The following SNRPN variants were observed in gnomAD, a reference collection of about 807,000 sequenced individuals.
SNRPN encodes the protein small nuclear ribonucleoprotein polypeptide N, also known as small nuclear ribonucleoprotein-associated protein N.
SNRPN carries 7 observed loss-of-function variants against 25.2 expected under a neutral mutation model. That is an observed-to-expected ratio of 0.28 (90% CI 0.16 to 0.52). The LOEUF (loss-of-function observed/expected upper bound fraction) is 0.52. Ranked by LOEUF, SNRPN falls within the 20% of genes least tolerant of loss-of-function variation. The pLI, the probability that SNRPN is intolerant of heterozygous loss-of-function variation, is 0.96. For missense variants in SNRPN, 196 were observed against 322.5 expected, an observed-to-expected ratio of 0.61 and a Z score of 3.00; for synonymous variants, 124 against 110.6, an observed-to-expected ratio of 1.12 and a Z score of -0.76.
At chr15:24,945,910 A>C (rs1566939432) in intron 3 of SNRPN, among the ~76,000 whole-genome samples, 1 of 152,166 alleles carries the variant, frequency 6.6e-6, no homozygotes, top group Non-Finnish European at 1.5e-5. Flanking sequence ...GCATGTAGGC[A>C]AAAGGCTGGA....
intron 2 of SNRPN, among the ~76,000 whole-genome samples, chr15:24,915,562 G>T (rs1044593147): frequency 6.6e-6 from 1 of 152,150 alleles, no homozygotes; most frequent in African/African-American, 2.4e-5. Flanking sequence ...TATGCATTAT[G>T]CTCCCTTTTC....
upstream of SNRPN, chr15:24,851,732 T>C (rs894196642): frequency 6.6e-6 from 1 of 152,184 alleles, no homozygotes; most frequent in Non-Finnish European, 1.5e-5. Flanking sequence ...AGCCTCTGTG[T>C]CTGAGGAGGT....
chr15:24,848,952 G>T (rs2052532314), intron 2 of SNRPN: 1 of 151,930 alleles, frequency 6.6e-6, no homozygotes. Context: ...CTGTCACCAG[G>T]CTGGAGTGCA....
intron 2 of SNRPN, among the ~76,000 whole-genome samples, chr15:24,919,387 C>A (rs900203153): frequency 2.7e-5 from 4 of 149,746 alleles, no homozygotes; most frequent in Non-Finnish European, 4.4e-5. Context: ...GCCGAGATAG[C>A]GCCACTGCAT....
chr15:24,886,889 T>C (rs1284454114), intron 2 of SNRPN, among the ~76,000 whole-genome samples: 1 of 151,568 alleles, frequency 6.6e-6, no homozygotes, highest in Admixed American at 6.6e-5. Context: ...ACATGTTAGA[T>C]ATGAACAAAG....
intron 2 of SNRPN, among the ~76,000 whole-genome samples, chr15:24,892,505 G>T (rs1355647736): frequency 1.3e-5 from 2 of 152,234 alleles, no homozygotes; most frequent in African/African-American, 4.8e-5. Flanking sequence ...ATCAGGCCGG[G>T]TGTGGTGGAT....
intron 2 of SNRPN, among the ~76,000 whole-genome samples, chr15:24,903,432 CA>C (rs746867853): frequency 5.9e-5 from 9 of 152,044 alleles, no homozygotes; most frequent in Non-Finnish European, 1.0e-4. Flanking sequence ...AAAACAAAAA[CA>C]AAAACAAAAC....
chr15:24,950,455 A>G (rs1176130691), upstream of SNRPN, among the ~76,000 whole-genome samples: 4 of 151,550 alleles, frequency 2.6e-5, no homozygotes, highest in African/African-American at 9.7e-5. Flanking sequence ...GATTACAGTC[A>G]TGAGCCACCA....
chr15:24,866,277 A>G (rs928796729), intron 1 of SNRPN, among the ~76,000 whole-genome samples: 8 of 152,174 alleles, frequency 5.3e-5, no homozygotes, highest in African/African-American at 1.9e-4. Context: ...TGTATGTACT[A>G]TGTATAACAT....
intron 1 of SNRPN, among the ~76,000 whole-genome samples, chr15:24,867,387 TTG>T (rs780205933): frequency 0.012 from 1,612 of 134,058 alleles, 24 homozygotes; most frequent in African/African-American, 0.045. Flanking sequence ...TTTTTTTTTT[TTG>T]GGGGGGACGG....
intron 2 of SNRPN, among the ~76,000 whole-genome samples, chr15:24,908,527 G>A (rs533418536): frequency 2.0e-5 from 3 of 152,302 alleles, no homozygotes; most frequent in East Asian, 1.9e-4. Flanking sequence ...AGATGGAAAT[G>A]AGGGATATCT....
At position 24,962,227 on chromosome 15, in the gene SNRPN, T is replaced by C; in HGVS notation, c.-295+18T>C. 6.3e-7 allele frequency: 1 copy of C among 1,596,990 alleles called. No individual in the cohort carries two copies. The highest frequency in any genetic ancestry group is 8.6e-7 in the Non-Finnish European group (1 of 1,164,486). The stretch of plus-strand genomic sequence containing the variant: ...AACCAAGAGTGAGTACAGACTGTGT[T>C]GGGAACAAATGCAAGTCAGAATCTC... On this transcript the variant is annotated intron_variant, in intron 2 of 9. Transcript: ENST00000390687.
intron 1 of SNRPN, among the ~76,000 whole-genome samples, chr15:24,824,704 C>T (rs1188045532): frequency 1.3e-5 from 2 of 151,950 alleles, no homozygotes; most frequent in Non-Finnish European, 2.9e-5. Flanking sequence ...TTAGGTTTTA[C>T]GTGCTCCATT....
chr15:24,961,694 T>C (rs1440351893), intron 1 of SNRPN, among the ~76,000 whole-genome samples: 2 of 152,332 alleles, frequency 1.3e-5, no homozygotes, highest in East Asian at 3.9e-4. Flanking sequence ...TATTCCACTA[T>C]ATAAGTATGT....
chr15:24,937,269 C>T (rs2061290906), intron 3 of SNRPN, among the ~76,000 whole-genome samples: 1 of 151,952 alleles, frequency 6.6e-6, no homozygotes, highest in South Asian at 2.1e-4. Context: ...AAAATCAAAA[C>T]AATTTCCCTA....
At chr15:24,952,823 T>G (rs1334166845), upstream of SNRPN, among the ~76,000 whole-genome samples, 1 of 151,942 alleles carries the variant, frequency 6.6e-6, no homozygotes, top group Non-Finnish European at 1.5e-5. Flanking sequence ...TACAAAACAA[T>G]CTCAAATTGT....
intron 1 of SNRPN, among the ~76,000 whole-genome samples, chr15:24,861,380 C>G (rs2053965496): frequency 6.6e-6 from 1 of 152,048 alleles, no homozygotes; most frequent in Non-Finnish European, 1.5e-5. Flanking sequence ...AAACATGTAA[C>G]CTATCTAAAC....
chr15:24,923,876 CGTGTATGTGTGTGTGTGTGTGT>C (rs1374235546), intron 3 of SNRPN, among the ~76,000 whole-genome samples: 50 of 107,048 alleles, frequency 4.7e-4, no homozygotes, highest in African/African-American at 1.8e-3. Flanking sequence ...TTTTTAGTGC[CGTGTATGTGTGTGTGTGTGTGT>C]GTGTGTGTGT....
intron 1 of SNRPN, among the ~76,000 whole-genome samples, chr15:24,828,009 G>A (rs1166188694): frequency 6.6e-6 from 1 of 152,024 alleles, no homozygotes; most frequent in African/African-American, 2.4e-5. Flanking sequence ...CGGCCCTTAT[G>A]TGGTACATGA....
Sources: allele counts gnomAD v4.1 joint callset (sites outside exome capture counted in the v4.1 genomes callset), GRCh38; gene constraint gnomAD v4.1.1; transcripts MANE v1.5; gene names NCBI Gene and HGNC (gene_info 2026-07-23, HGNC 2026-07-21).